The following ABCA13 variants were observed in gnomAD, a reference collection of about 807,000 sequenced individuals.
ABCA13 encodes the protein ATP-binding cassette sub-family A member 13.
A neutral mutation model predicts 478.7 loss-of-function variants in ABCA13; 476 were observed. The ratio of observed to expected loss-of-function variants is 0.99; its 90% CI spans 0.92 to 1.07. ABCA13 has a LOEUF of 1.07. Ranked by LOEUF, ABCA13 falls within the 50% of genes least tolerant of loss-of-function variation. The probability of loss-of-function intolerance (pLI) is 0.00; values close to 1 mark genes in which losing one functional copy is unlikely to be tolerated. For missense variants in ABCA13, 6,060 were observed against 5,910.6 expected (o/e 1.03, Z -0.83); for synonymous variants, 2,252 against 2,158.9 (o/e 1.04, Z -1.20).
rs767585452 is a variant in ABCA13 at position 48,187,017 on chromosome 7, G to GTATATATATA, written c.70-5941_70-5940insATATATATAT. ...TGTATATGCATATATATATGTGTGT[G>GTATATATATA]TGTATATATATATATATATCAGTGT... On this transcript the variant is annotated intron_variant, in intron 1 of 61. Transcript: ENST00000435803. Among the ~76,000 whole-genome samples, 414 of 135,376 alleles carry GTATATATATA rather than the reference G, an allele frequency of 3.1e-3. 1 individual carries two copies. The highest frequency in any genetic ancestry group is 0.01 in the African/African-American group (388 of 37,608). The allele number at this position is 135,376 out of a possible 152,430, so 88.8% of individuals were successfully genotyped here. A position where few individuals can be genotyped will look rare whatever the true frequency, so the allele number is the denominator to read the frequency against.
intron 15 of ABCA13, among the ~76,000 whole-genome samples, chr7:48,262,129 C>T (rs999020221): frequency 6.6e-5 from 10 of 151,920 alleles, no homozygotes; most frequent in African/African-American, 2.4e-4. Flanking sequence ...ATGAAAATAT[C>T]ATTGTTCAAA....
intron 48 of ABCA13, among the ~76,000 whole-genome samples, chr7:48,490,752 C>G (rs369763493): frequency 1.3e-5 from 2 of 152,160 alleles, no homozygotes; most frequent in African/African-American, 4.8e-5. Context: ...AGATCAAATG[C>G]TGCTTGGCTT....
rs193296532 is a variant in ABCA13, at chr7:48,566,498, G to A, written c.14355-13726G>A. Among the ~76,000 whole-genome samples the A allele has an allele frequency of 1.3e-3, 203 of 152,250 alleles. 2 individuals are homozygous for A. Among genetic ancestry groups the A allele is most frequent in the African/African-American group, 4.8e-3 (198 of 41,538 alleles). On this transcript the variant is annotated intron_variant, in intron 55 of 61. Transcript: ENST00000435803. ...AGTGATTTTGATTAAGGAGATGTTG[G>A]TTAGCATCTCACAGAGATAGATTAG...
chr7:48,615,079 A>AT (rs1239681167), intron 58 of ABCA13, among the ~76,000 whole-genome samples: 2 of 151,326 alleles, frequency 1.3e-5, no homozygotes, highest in South Asian at 2.1e-4. Flanking sequence ...GAAAATACTG[A>AT]TTTTTTGTTA....
chr7:48,241,049 T>C lies in ABCA13; in HGVS notation c.1245T>C (p.Asn415=). The C allele has an allele frequency of 6.2e-7, 1 of 1,613,996 alleles. No homozygotes were observed. Among genetic ancestry groups the C allele is most frequent in the Non-Finnish European group, 8.5e-7 (1 of 1,179,870 alleles). Residue 415 remains asparagine (N), a synonymous_variant, in exon 10 of 62, where the codon AAT becomes AAC. Transcript: ENST00000435803. The part of the protein sequence containing the change: ...DSLSADGPKD[N]HTFPKILQHL... ...TGTCAGCAGATGGCCCAAAAGATAA[T>C]CATACATTTCCAAAGATGTAAGTCG...
At chr7:48,225,390 T>C (rs1017472430) in intron 5 of ABCA13, among the ~76,000 whole-genome samples, 26 of 152,230 alleles carry the variant, frequency 1.7e-4, no homozygotes, top group Non-Finnish European at 3.1e-4. Flanking sequence ...TGTACTTCAC[T>C]GTATACTTCT....
rs540744088 is a variant in ABCA13 at position 48,289,552 on chromosome 7, G to A, written c.8955+1474G>A. On this transcript the variant is annotated intron_variant, in intron 20 of 61. Coordinates refer to ENST00000435803, the MANE Select transcript of ABCA13 (RefSeq NM_152701.5). ...TTTTTGTATTTCTTGGTAGAGGTGG[G>A]GTTTCACTATGTTGGCCAGGCTGGT... 1.9e-3 allele frequency among the ~76,000 whole-genome samples: 282 copies of A among 151,974 alleles called. 2 individuals are homozygous for A. The highest frequency in any genetic ancestry group is 6.4e-3 in the African/African-American group (266 of 41,442).
At chr7:48,339,919 A>G (rs1234915259) in intron 29 of ABCA13, among the ~76,000 whole-genome samples, 2 of 152,108 alleles carry the variant, frequency 1.3e-5, no homozygotes, top group Non-Finnish European at 2.9e-5. Flanking sequence ...TTTTGTAACT[A>G]TGCTAACAAA....
chr7:48,222,279 A>G (rs973450933), intron 5 of ABCA13, among the ~76,000 whole-genome samples: 8 of 152,242 alleles, frequency 5.3e-5, no homozygotes, highest in Non-Finnish European at 1.0e-4. Context: ...TAAAAATAGA[A>G]TAAACCATCA....
intron 35 of ABCA13, 103 bp from the exon 36 acceptor site, chr7:48,387,719 A>G: frequency 1.9e-6 from 2 of 1,035,972 alleles, no homozygotes; most frequent in East Asian, 2.7e-5. Flanking sequence ...TATTAAAAAT[A>G]TTAACATGGG....
chr7:48,446,496 C>CT (rs1824327461), intron 42 of ABCA13, among the ~76,000 whole-genome samples: 1 of 151,646 alleles, frequency 6.6e-6, no homozygotes, highest in South Asian at 2.1e-4. Context: ...AGTTCTGTTC[C>CT]TTTTTTCTCC....
chr7:48,573,935 T>C (rs1787918907), intron 55 of ABCA13, among the ~76,000 whole-genome samples: 1 of 152,118 alleles, frequency 6.6e-6, no homozygotes, highest in Admixed American at 6.6e-5. Flanking sequence ...TGTGTTTATA[T>C]AGTCTTCCCT....
intron 41 of ABCA13, among the ~76,000 whole-genome samples, chr7:48,420,065 A>C (rs1433512): frequency 0.38 from 57,901 of 151,978 alleles, 11,682 homozygotes; most frequent in African/African-American, 0.51. Flanking sequence ...TATGTCTGAT[A>C]CACAGTTAGC....
intron 29 of ABCA13, 148 bp downstream of exon 29, chr7:48,338,603 T>G: frequency 1.9e-6 from 1 of 538,070 alleles, no homozygotes; most frequent in Non-Finnish European, 3.2e-6. Context: ...ATCTGGATCC[T>G]GAAGGGCTTG....
At chr7:48,581,377 A>C (rs192779261) in intron 56 of ABCA13, among the ~76,000 whole-genome samples, 26 of 152,002 alleles carry the variant, frequency 1.7e-4, no homozygotes, top group Non-Finnish European at 3.5e-4. Flanking sequence ...CATTGTAAGG[A>C]CTCTGGCCCC....
At chr7:48,486,446 T>C (rs1354758757) in intron 47 of ABCA13, among the ~76,000 whole-genome samples, 1 of 152,222 alleles carries the variant, frequency 6.6e-6, no homozygotes, top group Admixed American at 6.5e-5. Flanking sequence ...GTCACCCTTT[T>C]TTCAATTATT....
intron 55 of ABCA13, among the ~76,000 whole-genome samples, chr7:48,565,721 G>A (rs1362623744): frequency 2.0e-5 from 3 of 152,162 alleles, no homozygotes; most frequent in African/African-American, 7.2e-5. Context: ...ATCAGCATGA[G>A]AGCATCGTAA....
chr7:48,481,003 A>T (rs536285305), intron 45 of ABCA13, 33 bp from the exon 46 acceptor site: 1 of 1,407,366 alleles, frequency 7.1e-7, no homozygotes, highest in East Asian at 2.5e-5. Context: ...ATTATAAAAA[A>T]GTTTGTTTTT....
rs774786655 is a variant in ABCA13 at position 48,644,690 on chromosome 7, T to C, written c.15017T>C (p.Ile5006Thr). The C allele has an allele frequency of 1.6e-5, 26 of 1,611,950 alleles. No individual in the cohort carries two copies. Among genetic ancestry groups the C allele is most frequent in the Non-Finnish European group, 2.1e-5 (25 of 1,179,384 alleles). ...TGCCTAGCTGACTTGTTCAAAGTTA[T>C]AGAGAACAATAAAACCTTCTTGAAT... Reference protein sequence around the residue: ...WGCLADLFKVIENNKTFLNIK... With the variant: ...WGCLADLFKVTENNKTFLNIK... The change falls in exon 61 of 62, where the codon ATA becomes ACA. Residue 5006 changes from isoleucine (I) to threonine (T), a missense_variant. Physicochemically the swap from Ile to Thr is moderately conservative, Grantham distance 89. Coordinates refer to ENST00000435803, the MANE Select transcript of ABCA13 (RefSeq NM_152701.5).
Sources: allele counts gnomAD v4.1 joint callset (sites outside exome capture counted in the v4.1 genomes callset), GRCh38; gene constraint gnomAD v4.1.1; transcripts MANE v1.5; gene names NCBI Gene and HGNC (gene_info 2026-07-23, HGNC 2026-07-21).